The following PEX5L variants were observed in gnomAD, a reference collection of about 807,000 sequenced individuals.
PEX5L encodes PEX5-related protein.
Under a neutral mutation model 84.0 loss-of-function variants are expected in PEX5L, and 30 were observed. The observed-to-expected ratio is 0.36, with a 90% CI of 0.27 to 0.48. The LOEUF is 0.48. Among genes scored for constraint, PEX5L ranks in the 20% least tolerant of loss-of-function variants. The pLI is 0.99. For missense variants in PEX5L, 533 were observed against 754.6 expected, an observed-to-expected ratio of 0.71 and a Z score of 3.44; for synonymous variants, 270 against 283.1, an observed-to-expected ratio of 0.95 and a Z score of 0.46.
chr3:180,023,781 G>C (rs1790641304), intron 1 of PEX5L, among the ~76,000 whole-genome samples: 1 of 146,272 alleles, frequency 6.8e-6, no homozygotes, highest in Non-Finnish European at 1.5e-5. Flanking sequence ...CAGAGAGAGA[G>C]AGAGAGAGAG....
intron 7 of PEX5L, among the ~76,000 whole-genome samples, chr3:179,870,006 G>C (rs1361797493): frequency 6.6e-6 from 1 of 152,160 alleles, no homozygotes; most frequent in Non-Finnish European, 1.5e-5. Context: ...GCCAATCATG[G>C]AGTTTTGGCT....
chr3:179,879,973 C>G lies in PEX5L; in HGVS notation c.461G>C (p.Arg154Thr). 2.5e-6 allele frequency: 4 copies of G among 1,610,426 alleles called. No individual in the cohort carries two copies. The highest frequency in any genetic ancestry group is 3.4e-6 in the Non-Finnish European group (4 of 1,178,884). ...CTCCGGGACTCTGAGAGGCTGGCCT[C>G]TCTGCTCAGCATCCGTGCTGATGAG... Reference protein sequence around the residue: ...SDLISTDAEQRGQPLRVPETS... With the variant: ...SDLISTDAEQTGQPLRVPETS... Residue 154 changes from arginine to threonine, a missense_variant, in exon 5 of 15, where the codon AGA becomes ACA. Arg to Thr is a moderately conservative substitution (Grantham distance 71). Around this residue, in one of 8 missense-constraint regions of PEX5L, gnomAD observed 259 missense variants for 301.7 expected, o/e 0.86. Coordinates refer to ENST00000467460, the MANE Select transcript of PEX5L (RefSeq NM_016559.3).
intron 2 of PEX5L, among the ~76,000 whole-genome samples, chr3:179,957,287 G>A (rs1226255383): frequency 1.3e-5 from 2 of 152,126 alleles, no homozygotes; most frequent in Non-Finnish European, 1.5e-5. Context: ...TACATCATAA[G>A]CATAATGTAG....
intron 2 of PEX5L, among the ~76,000 whole-genome samples, chr3:179,968,947 A>C (rs1784074800): frequency 6.6e-6 from 1 of 151,998 alleles, no homozygotes; most frequent in East Asian, 1.9e-4. Flanking sequence ...ATCATCTTTT[A>C]CCTCCTTGAG....
intron 14 of PEX5L, 120 bp from the exon 15 acceptor site, chr3:179,802,152 G>C (rs775898649): frequency 2.8e-6 from 2 of 706,604 alleles, no homozygotes; most frequent in African/African-American, 3.5e-5. Flanking sequence ...CACCTCTTAC[G>C]TGTTCTGGAT....
At chr3:179,941,503 G>A (rs1452723860) in intron 2 of PEX5L, among the ~76,000 whole-genome samples, 2 of 152,178 alleles carry the variant, frequency 1.3e-5, no homozygotes, top group Admixed American at 1.3e-4. Flanking sequence ...CAGGTTGGTG[G>A]CATTTCCCCC....
At chr3:179,910,559 C>G (rs569778421) in intron 2 of PEX5L, among the ~76,000 whole-genome samples, 104 of 152,290 alleles carry the variant, frequency 6.8e-4, no homozygotes, top group Non-Finnish European at 1.1e-3. Flanking sequence ...TAATCCTGTA[C>G]CACTGATAGT....
chr3:179,847,081 GTATA>G (rs80254022), intron 8 of PEX5L, among the ~76,000 whole-genome samples: 19 of 105,546 alleles, frequency 1.8e-4, no homozygotes, highest in Non-Finnish European at 3.7e-4. Context: ...GTGTGTGTGT[GTATA>G]TATATATATA....
At chr3:179,999,508 C>G (rs896387679) in intron 1 of PEX5L, among the ~76,000 whole-genome samples, 3 of 152,170 alleles carry the variant, frequency 2.0e-5, no homozygotes, top group Non-Finnish European at 4.4e-5. Flanking sequence ...CAGCAGAGGC[C>G]AACACTGAGC....
intron 7 of PEX5L, among the ~76,000 whole-genome samples, chr3:179,870,529 T>C (rs56836862): frequency 0.27 from 40,974 of 152,100 alleles, 6,010 homozygotes; most frequent in Non-Finnish European, 0.33. Context: ...TGCAACTTGG[T>C]GTCTTGGCTA....
intron 2 of PEX5L, among the ~76,000 whole-genome samples, chr3:179,955,637 G>A (rs935258271): frequency 4.0e-5 from 6 of 151,872 alleles, no homozygotes; most frequent in African/African-American, 1.5e-4. Context: ...GATTTTTGCT[G>A]TTCTAGGAAA....
intron 8 of PEX5L, among the ~76,000 whole-genome samples, chr3:179,829,580 C>G (rs1731853501): frequency 6.6e-6 from 1 of 152,126 alleles, no homozygotes; most frequent in Non-Finnish European, 1.5e-5. Context: ...AAGTACTTGG[C>G]TTAGAACACA....
chr3:179,888,367 T>G (rs993651749), intron 3 of PEX5L, among the ~76,000 whole-genome samples: 1 of 152,208 alleles, frequency 6.6e-6, no homozygotes, highest in Non-Finnish European at 1.5e-5. Flanking sequence ...TAGAAAATAT[T>G]GTTATATTAA....
chr3:180,033,432 A>G (rs1456791088), intron 1 of PEX5L, among the ~76,000 whole-genome samples: 1 of 152,322 alleles, frequency 6.6e-6, no homozygotes, highest in South Asian at 2.1e-4. Flanking sequence ...ATTCTTCAAT[A>G]ACAATTCAAA....
At chr3:179,865,061 C>T (rs759433795) in intron 7 of PEX5L, among the ~76,000 whole-genome samples, 22 of 152,128 alleles carry the variant, frequency 1.4e-4, no homozygotes, top group African/African-American at 2.9e-4. Context: ...AGCTGCACTG[C>T]GCATCACAGG....
chr3:179,801,765 G>T lies in PEX5L; in HGVS notation c.*63C>A, dbSNP rs1284206435. The stretch of plus-strand genomic sequence containing the variant: ...TCCTTTTGAAATTCATAATAAAATA[G>T]TTTTTGATTTTTCAGTACAATCACA... On this transcript the variant is annotated 3_prime_UTR_variant, in exon 15 of 15. Coordinates refer to ENST00000467460, the MANE Select transcript of PEX5L (RefSeq NM_016559.3). The T allele has an allele frequency of 9.4e-7, 1 of 1,061,132 alleles. No homozygotes were observed. The highest frequency in any genetic ancestry group is 2.4e-5 in the East Asian group (1 of 42,288). The allele number at this position is 1,061,132 out of a possible 1,614,324, so 65.7% of individuals were successfully genotyped here.
At chr3:179,907,089 G>T (rs1763480580) in intron 2 of PEX5L, among the ~76,000 whole-genome samples, 1 of 152,052 alleles carries the variant, frequency 6.6e-6, no homozygotes, top group African/African-American at 2.4e-5. Context: ...TAAATATGGG[G>T]TCAAGACAAT....
chr3:179,850,962 G>A (rs986145598), intron 8 of PEX5L, among the ~76,000 whole-genome samples: 6 of 152,104 alleles, frequency 3.9e-5, no homozygotes, highest in African/African-American at 1.4e-4. Context: ...TTCAAGAATG[G>A]TCTCCAATTT....
intron 2 of PEX5L, among the ~76,000 whole-genome samples, chr3:179,913,767 T>C (rs1766009494): frequency 6.6e-6 from 1 of 152,196 alleles, no homozygotes; most frequent in Non-Finnish European, 1.5e-5. Context: ...CTGACAGTTT[T>C]TGCAAGAACT....
Sources: gnomAD v4.1 joint callset for allele counts (sites outside exome capture counted in the v4.1 genomes callset) on GRCh38, gnomAD v4.1.1 for gene constraint, gnomAD v4.1.1 regional missense constraint, MANE v1.5 for transcripts, NCBI Gene and HGNC (gene_info 2026-07-23, HGNC 2026-07-21) for gene names.